The following OPCML variants were observed in gnomAD, a reference collection of about 807,000 sequenced individuals.
The protein encoded by OPCML is opioid binding protein/cell adhesion molecule like.
A neutral mutation model predicts 37.8 loss-of-function variants in OPCML; 13 were observed. The observed-to-expected ratio is 0.34, with a 90% CI of 0.22 to 0.55. The LOEUF is 0.55. Ranked by LOEUF, OPCML falls within the 20% of genes least tolerant of loss-of-function variation. The pLI, the probability that OPCML is intolerant of heterozygous loss-of-function variation, is 0.91. For missense variants in OPCML, 341 were observed against 435.6 expected (o/e 0.78, Z 1.93); for synonymous variants, 176 against 168.8 (o/e 1.04, Z -0.33).
At chr11:133,462,331 A>ACT (rs369644686) in intron 1 of OPCML, among the ~76,000 whole-genome samples, 80 of 150,864 alleles carry the variant, frequency 5.3e-4, no homozygotes, top group African/African-American at 1.9e-3. Flanking sequence ...CAAAAACAGT[A>ACT]GATAAATTGG....
chr11:133,287,238 C>G (rs1592168719), intron 1 of OPCML, among the ~76,000 whole-genome samples: 1 of 145,736 alleles, frequency 6.9e-6, no homozygotes, highest in South Asian at 2.2e-4. Flanking sequence ...CAAATGTATT[C>G]AAAATATTTT....
chr11:132,961,716 G>A (rs1193098709), intron 1 of OPCML, among the ~76,000 whole-genome samples: 1 of 152,198 alleles, frequency 6.6e-6, no homozygotes, highest in Admixed American at 6.5e-5. Flanking sequence ...CTGATGATTT[G>A]CAAAGCCTCT....
intron 2 of OPCML, among the ~76,000 whole-genome samples, chr11:132,674,804 T>C (rs921281574): frequency 2.6e-5 from 4 of 152,178 alleles, no homozygotes; most frequent in Non-Finnish European, 4.4e-5. Context: ...CATTGCTGAG[T>C]TGCAATATCC....
chr11:133,071,341 G>T (rs185866282), intron 1 of OPCML, among the ~76,000 whole-genome samples: 2 of 152,190 alleles, frequency 1.3e-5, no homozygotes, highest in South Asian at 4.1e-4. Flanking sequence ...TGGGTGTGTG[G>T]TGGGGGTGAT....
At chr11:133,114,349 G>A (rs116599404) in intron 1 of OPCML, among the ~76,000 whole-genome samples, 20 of 152,216 alleles carry the variant, frequency 1.3e-4, no homozygotes, top group African/African-American at 4.1e-4. Flanking sequence ...TCGTTCTGAC[G>A]TCTCTTTTTT....
rs1293600004 is a variant in OPCML, at chr11:133,081,138, T to C, written c.62-138128A>G. The stretch of plus-strand genomic sequence containing the variant: ...CTCCTGCAGCATCCCAGTGTGCTCC[T>C]GACTTCAGGGTGACAGGCGCATCTG... On this transcript the variant is annotated intron_variant, in intron 1 of 7. Coordinates refer to ENST00000524381, the MANE Select transcript of OPCML (RefSeq NM_001012393.5). Among the ~76,000 whole-genome samples, 5 of 152,356 alleles carry C rather than the reference T, an allele frequency of 3.3e-5. No homozygotes were observed. The East Asian group carries it at 7.7e-4, about 24-fold the overall frequency.
At chr11:132,901,414 GA>G (rs1382526568) in intron 2 of OPCML, among the ~76,000 whole-genome samples, 5 of 152,128 alleles carry the variant, frequency 3.3e-5, no homozygotes, top group Non-Finnish European at 7.4e-5. Flanking sequence ...CGTGCAATGG[GA>G]AAATAACTGT....
chr11:132,448,800 C>T (rs1429519991), intron 4 of OPCML, among the ~76,000 whole-genome samples: 1 of 152,214 alleles, frequency 6.6e-6, no homozygotes, highest in Non-Finnish European at 1.5e-5. Flanking sequence ...GACCGAGGAT[C>T]TAATCCCAGT....
chr11:133,452,155 A>G (rs1409201678), intron 1 of OPCML, among the ~76,000 whole-genome samples: 1 of 151,746 alleles, frequency 6.6e-6, no homozygotes, highest in African/African-American at 2.4e-5. Context: ...AAGGTAATCA[A>G]TGAAGACCAA....
chr11:133,440,535 T>A (rs1216374030), intron 1 of OPCML, among the ~76,000 whole-genome samples: 1 of 151,456 alleles, frequency 6.6e-6, no homozygotes, highest in Non-Finnish European at 1.5e-5. Flanking sequence ...AAGACCAGAC[T>A]GACCAACATG....
chr11:132,647,049 A>C (rs1342960271), intron 3 of OPCML, among the ~76,000 whole-genome samples: 1 of 152,250 alleles, frequency 6.6e-6, no homozygotes, highest in Non-Finnish European at 1.5e-5. Flanking sequence ...CTGACCTGAC[A>C]CAGAAAGGAT....
intron 2 of OPCML, among the ~76,000 whole-genome samples, chr11:132,824,770 A>G (rs1379851251): frequency 6.6e-6 from 1 of 152,174 alleles, no homozygotes; most frequent in African/African-American, 2.4e-5. Flanking sequence ...AACAACAACA[A>G]AAAAATCAAC....
intron 1 of OPCML, among the ~76,000 whole-genome samples, chr11:133,502,472 A>G (rs1485825686): frequency 1.3e-5 from 2 of 152,206 alleles, no homozygotes; most frequent in Non-Finnish European, 2.9e-5. Flanking sequence ...CAACTGGAGC[A>G]GTGCTGAGGT....
Position 132,943,072 on chromosome 11 carries a change from C to T in OPCML, c.62-62G>A. On this transcript the variant is annotated intron_variant, in intron 1 of 7. Coordinates refer to ENST00000524381, the MANE Select transcript of OPCML (RefSeq NM_001012393.5). The surrounding 1 kb of genome is among the most constrained non-coding windows in gnomAD (Gnocchi z 4.3). ...CCACGAGGCACTTCCAGGGCAGGAA[C>T]AGGTACCCACAGACCCCCATTCTCG... 6.2e-7 allele frequency: 1 copy of T among 1,614,146 alleles called. No individual in the cohort carries two copies. Among genetic ancestry groups the T allele is most frequent in the South Asian group, 1.1e-5 (1 of 91,082 alleles).
chr11:132,547,866 G>C (rs1351547284), intron 3 of OPCML, among the ~76,000 whole-genome samples: 2 of 152,100 alleles, frequency 1.3e-5, no homozygotes, highest in Admixed American at 1.3e-4. Flanking sequence ...TGCATTGGTG[G>C]AAAGTGAAGG....
intron 1 of OPCML, among the ~76,000 whole-genome samples, chr11:133,151,581 G>A (rs1489802776): frequency 6.6e-6 from 1 of 152,176 alleles, no homozygotes; most frequent in African/African-American, 2.4e-5. Context: ...GATGAGGAAA[G>A]TGCAGTTATG....
intron 2 of OPCML, among the ~76,000 whole-genome samples, chr11:132,913,002 T>G (rs1443302079): frequency 6.6e-6 from 1 of 152,232 alleles, no homozygotes; most frequent in Admixed American, 6.5e-5. Context: ...AGGAGAGGCA[T>G]TAGTAGAGTT....
intron 2 of OPCML, among the ~76,000 whole-genome samples, chr11:132,830,123 G>T (rs1053459658): frequency 2.0e-5 from 3 of 152,110 alleles, no homozygotes; most frequent in Non-Finnish European, 2.9e-5. Context: ...TTTCATGTGG[G>T]TATGTTGCAT....
At position 132,719,807 on chromosome 11, in the gene OPCML, A is replaced by C. The variant is rs542718226; in HGVS notation, c.147-62488T>G. Among the ~76,000 whole-genome samples the C allele has an allele frequency of 3.9e-5, 6 of 152,344 alleles. No homozygotes were observed. The South Asian group carries it at 1.0e-3, about 26-fold the overall frequency. Reference sequence around the variant, plus strand: ...ACTTCTCCAGATGGTACAGATAGGCAGGGGCCAGGTTCTGCCAGTTGCTGC... The same window carrying C: ...ACTTCTCCAGATGGTACAGATAGGCCGGGGCCAGGTTCTGCCAGTTGCTGC... On this transcript the variant is annotated intron_variant, in intron 2 of 7. Transcript: ENST00000524381.
Sources: gnomAD v4.1 joint callset for allele counts (sites outside exome capture counted in the v4.1 genomes callset) on GRCh38, gnomAD v4.1.1 for gene constraint, Gnocchi (gnomAD v3.1) non-coding constraint, MANE v1.5 for transcripts, NCBI Gene and HGNC (gene_info 2026-07-23, HGNC 2026-07-21) for gene names.